The following MCPH1 variants were observed in gnomAD, a reference collection of about 807,000 sequenced individuals.
The protein encoded by MCPH1 is microcephalin 1, also known as microcephalin.
Under a neutral mutation model 84.5 loss-of-function variants are expected in MCPH1, and 104 were observed. The observed-to-expected ratio is 1.23, with a 90% confidence interval of 1.05 to 1.45. The LOEUF is 1.45. Among genes scored for constraint, MCPH1 ranks in the 40% most tolerant of loss-of-function variants. The pLI, the probability that MCPH1 is intolerant of heterozygous loss-of-function variation, is 0.00. For synonymous variants in MCPH1, 514 were observed against 366.8 expected, an observed-to-expected ratio of 1.40 and a Z score of -4.58; for missense variants, 1,498 against 1,005.7, an observed-to-expected ratio of 1.49 and a Z score of -6.62.
At chr8:6,496,900 T>G (rs1169523556) in intron 11 of MCPH1, among the ~76,000 whole-genome samples, 3 of 152,154 alleles carry the variant, frequency 2.0e-5, no homozygotes, top group Non-Finnish European at 4.4e-5. Flanking sequence ...CAGTTTTCTC[T>G]CATCACTTAT....
At chr8:6,439,480 G>A (rs1803184188) in intron 6 of MCPH1, among the ~76,000 whole-genome samples, 1 of 150,742 alleles carries the variant, frequency 6.6e-6, no homozygotes, top group African/African-American at 2.4e-5. Flanking sequence ...AACCTCCCTA[G>A]TTCAAGTGAT....
chr8:6,519,760 G>A, intron 12 of MCPH1: 1 of 1,438,562 alleles, frequency 7.0e-7, no homozygotes, highest in Non-Finnish European at 9.5e-7. Flanking sequence ...ACTGTGTGAG[G>A]CTGGGGAAGA....
chr8:6,577,356 G>T (rs1015946838), intron 12 of MCPH1, among the ~76,000 whole-genome samples: 9 of 152,194 alleles, frequency 5.9e-5, no homozygotes. Context: ...GTATAGGTCA[G>T]CAGCTCCACA....
At chr8:6,516,864 G>A (rs1381992561) in intron 12 of MCPH1, among the ~76,000 whole-genome samples, 1 of 152,104 alleles carries the variant, frequency 6.6e-6, no homozygotes, top group African/African-American at 2.4e-5. Context: ...ATCTTGTTAT[G>A]GAAGTCAGAG....
At chr8:6,442,348 T>G (rs1165777328) in intron 7 of MCPH1, among the ~76,000 whole-genome samples, 192 bp downstream of exon 7, 1 of 71,998 alleles carries the variant, frequency 1.4e-5, no homozygotes, top group Non-Finnish European at 4.6e-5. Context: ...TTGGTTCCTA[T>G]AGGTTTTTTT....
intron 12 of MCPH1, among the ~76,000 whole-genome samples, chr8:6,613,786 G>C (rs1318160339): frequency 6.6e-6 from 1 of 152,108 alleles, no homozygotes; most frequent in Non-Finnish European, 1.5e-5. Context: ...ACGGGGTGTG[G>C]AGCTGGCTTG....
intron 9 of MCPH1, among the ~76,000 whole-genome samples, chr8:6,469,810 C>A (rs1183437495): frequency 6.6e-6 from 1 of 152,200 alleles, no homozygotes; most frequent in African/African-American, 2.4e-5. Flanking sequence ...CCCAAATAAT[C>A]ATGCATTCAA....
rs58125557 is a variant in MCPH1 at position 6,416,275 on chromosome 8, TATGTCATGTC to T, written c.233+1422_233+1431del. The stretch of plus-strand genomic sequence containing the variant: ...CTTCATTTCTAGTCTGGCCGCATGT[TATGTCATGTC>T]ATGTCATGTCATGTCATGTCATGTC... On this transcript the variant is annotated intron_variant, in intron 3 of 13. Transcript: ENST00000344683. 2.8e-4 allele frequency among the ~76,000 whole-genome samples: 43 copies of T among 151,610 alleles called. No homozygotes were observed. The South Asian group carries it at 7.1e-3, about 25-fold the overall frequency.
intron 12 of MCPH1, among the ~76,000 whole-genome samples, chr8:6,530,999 C>CTT (rs112687351): frequency 2.0e-5 from 3 of 151,852 alleles, no homozygotes; most frequent in Admixed American, 6.6e-5. Context: ...TAAATCTGCT[C>CTT]TTTTTTTAAA....
intron 8 of MCPH1, among the ~76,000 whole-genome samples, chr8:6,452,934 A>G (rs1197586777): frequency 1.3e-5 from 2 of 152,256 alleles, no homozygotes; most frequent in Non-Finnish European, 2.9e-5. Flanking sequence ...GACATTCAAA[A>G]TAGATGTCCA....
chr8:6,593,265 T>A (rs933151432), intron 12 of MCPH1, among the ~76,000 whole-genome samples: 2 of 151,762 alleles, frequency 1.3e-5, no homozygotes, highest in African/African-American at 4.8e-5. Context: ...GTCTTTTTAA[T>A]AGAGATGGGA....
intron 12 of MCPH1, among the ~76,000 whole-genome samples, chr8:6,548,636 T>C (rs1823042501): frequency 6.6e-6 from 1 of 152,126 alleles, no homozygotes; most frequent in East Asian, 1.9e-4. Context: ...CCGTAAGTCA[T>C]AGAAGGTGAA....
chr8:6,535,553 CATG>C (rs1199334750), intron 12 of MCPH1, among the ~76,000 whole-genome samples: 1 of 152,066 alleles, frequency 6.6e-6, no homozygotes, highest in African/African-American at 2.4e-5. Context: ...TACAAATACA[CATG>C]ATGTGTGTAT....
At chr8:6,468,494 A>G (rs1807278797) in intron 9 of MCPH1, among the ~76,000 whole-genome samples, 1 of 152,206 alleles carries the variant, frequency 6.6e-6, no homozygotes, top group African/African-American at 2.4e-5. Context: ...CACAAGGAGC[A>G]AGGAGCTAGG....
chr8:6,556,375 C>G (rs988018970), intron 12 of MCPH1, among the ~76,000 whole-genome samples: 8 of 152,080 alleles, frequency 5.3e-5, no homozygotes, highest in Admixed American at 2.0e-4. Flanking sequence ...GGAATAGCAA[C>G]CATTGAGAAA....
chr8:6,437,335 A>G (rs1802804529), intron 5 of MCPH1, among the ~76,000 whole-genome samples: 1 of 152,118 alleles, frequency 6.6e-6, no homozygotes, highest in South Asian at 2.1e-4. Flanking sequence ...GGTTCAAGCA[A>G]TTCTCCTGGC....
At chr8:6,509,828 A>G (rs1321356449) in intron 12 of MCPH1, among the ~76,000 whole-genome samples, 1 of 152,190 alleles carries the variant, frequency 6.6e-6, no homozygotes, top group East Asian at 1.9e-4. Context: ...CCACAGTCAG[A>G]CAGAGCCATT....
chr8:6,635,750 C>CCACT (rs1213399991), intron 13 of MCPH1, among the ~76,000 whole-genome samples: 1 of 152,152 alleles, frequency 6.6e-6, no homozygotes, highest in African/African-American at 2.4e-5. Context: ...CCCAGAGGAC[C>CCACT]CACTTCCTGG....
intron 12 of MCPH1, among the ~76,000 whole-genome samples, chr8:6,577,709 G>GTATTATTCTAATCCTATTCCTATTT (rs1827228606): frequency 6.6e-6 from 1 of 152,230 alleles, no homozygotes; most frequent in African/African-American, 2.4e-5. Flanking sequence ...GCACTACACT[G>GTATTATTCTAATCCTATTCCTATTT]TATTATTCTA....
Sources: gnomAD v4.1 joint callset for allele counts (sites outside exome capture counted in the v4.1 genomes callset) on GRCh38, gnomAD v4.1.1 for gene constraint, MANE v1.5 for transcripts, NCBI Gene and HGNC (gene_info 2026-07-23, HGNC 2026-07-21) for gene names.